The following PTPRD variants were observed in gnomAD, a reference collection of about 807,000 sequenced individuals.
The protein encoded by PTPRD is receptor-type tyrosine-protein phosphatase delta.
PTPRD carries 34 observed loss-of-function variants against 214.5 expected under a neutral mutation model. The observed-to-expected ratio is 0.16, with a 90% confidence interval of 0.12 to 0.21. The LOEUF (loss-of-function observed/expected upper bound fraction) is 0.21, where lower values mean the gene tolerates loss of function less well. Among genes scored for constraint, PTPRD ranks in the 10% least tolerant of loss-of-function variants. PTPRD has a pLI of 1.00. For synonymous variants in PTPRD, 1,128 were observed against 845.7 expected (o/e 1.33, Z -5.79); for missense variants, 2,545 against 2,398.7 (o/e 1.06, Z -1.27).
intron 2 of PTPRD, among the ~76,000 whole-genome samples, chr9:10,575,684 A>G (rs375869320): frequency 4.2e-4 from 64 of 152,204 alleles, no homozygotes; most frequent in African/African-American, 1.5e-3. Flanking sequence ...TTATTAAGTG[A>G]ACTCTCTAGG....
intron 3 of PTPRD, among the ~76,000 whole-genome samples, chr9:10,036,503 C>T (rs903442732): frequency 2.2e-5 from 2 of 90,788 alleles, no homozygotes; most frequent in Non-Finnish European, 3.9e-5. Flanking sequence ...TACACACACT[C>T]ATGCACACAC....
intron 2 of PTPRD, among the ~76,000 whole-genome samples, chr9:10,520,474 G>T (rs543135988): frequency 6.6e-6 from 1 of 152,348 alleles, no homozygotes; most frequent in South Asian, 2.1e-4. Flanking sequence ...AGGTGAAGCA[G>T]CAAGTGCTGA....
intron 10 of PTPRD, among the ~76,000 whole-genome samples, chr9:9,176,303 A>AT (rs1318103769): frequency 6.6e-6 from 1 of 152,208 alleles, no homozygotes; most frequent in Non-Finnish European, 1.5e-5. Flanking sequence ...TTTCATGAAC[A>AT]TAATCATTGA....
chr9:9,373,744 T>C (rs1002570447), intron 9 of PTPRD, among the ~76,000 whole-genome samples: 1 of 152,112 alleles, frequency 6.6e-6, no homozygotes, highest in African/African-American at 2.4e-5. Context: ...AAATCTTTAA[T>C]TGCTTTTGCA....
chr9:9,889,387 A>T (rs1566033515), intron 5 of PTPRD, among the ~76,000 whole-genome samples: 2 of 151,730 alleles, frequency 1.3e-5, no homozygotes, highest in African/African-American at 2.4e-5. Context: ...ATACAATTTT[A>T]TTTTTCAATT....
chr9:10,575,009 T>A (rs1411927652), intron 2 of PTPRD, among the ~76,000 whole-genome samples: 1 of 151,562 alleles, frequency 6.6e-6, no homozygotes, highest in Admixed American at 6.6e-5. Flanking sequence ...AAAAAAATCA[T>A]CAGGAAAGAT....
intron 2 of PTPRD, among the ~76,000 whole-genome samples, chr9:10,450,886 T>C (rs1306835555): frequency 1.3e-5 from 2 of 151,948 alleles, no homozygotes; most frequent in Admixed American, 1.3e-4. Flanking sequence ...AGGTTATTCA[T>C]ATAGAATTTC....
chr9:10,042,068 C>T (rs1301148423), intron 3 of PTPRD, among the ~76,000 whole-genome samples: 1 of 152,042 alleles, frequency 6.6e-6, no homozygotes, highest in Non-Finnish European at 1.5e-5. Context: ...TAGGGCACTG[C>T]CCCTGTGGGA....
At chr9:8,585,158 A>C (rs113734419) in intron 14 of PTPRD, among the ~76,000 whole-genome samples, 5 of 152,214 alleles carry the variant, frequency 3.3e-5, no homozygotes, top group African/African-American at 1.2e-4. Context: ...GAAATTTTCA[A>C]CGTAGATCTT....
intron 3 of PTPRD, among the ~76,000 whole-genome samples, chr9:10,034,669 T>A (rs1027909477): frequency 1.3e-5 from 2 of 152,174 alleles, no homozygotes; most frequent in Non-Finnish European, 2.9e-5. Context: ...AGTGAGAACA[T>A]GCAGTATTTG....
In PTPRD at chr9:9,762,670, A is replaced by T. The variant is rs143883247; in HGVS notation, c.-326+4140T>A. 4.5e-3 allele frequency among the ~76,000 whole-genome samples: 692 copies of T among 152,320 alleles called. 3 individuals carry two copies. Among genetic ancestry groups the T allele is most frequent in the African/African-American group, 0.016 (653 of 41,560 alleles). ...TGATTCTCTTCCAGTTTACACTGAC[A>T]TGATCCTCATTTCTACATAAGACTT... On this transcript the variant is annotated intron_variant, in intron 6 of 45. Transcript: ENST00000381196.
chr9:9,462,346 T>C (rs540174367), intron 8 of PTPRD, among the ~76,000 whole-genome samples: 66 of 152,296 alleles, frequency 4.3e-4, no homozygotes, highest in South Asian at 1.4e-3. Flanking sequence ...TGTGAAATAA[T>C]AGTTCTCATT....
chr9:8,382,531 G>C (rs895261792), intron 37 of PTPRD, among the ~76,000 whole-genome samples: 1 of 152,144 alleles, frequency 6.6e-6, no homozygotes, highest in African/African-American at 2.4e-5. Flanking sequence ...AGAGCAGGTG[G>C]GGTGGGGAAA....
chr9:8,451,820 G>A (rs1590877879), intron 33 of PTPRD: 1 of 461,376 alleles, frequency 2.2e-6, no homozygotes, highest in East Asian at 6.2e-5. Context: ...TTCCCATTGT[G>A]GCTCTGCCAT....
chr9:9,923,494 T>C (rs1012159840), intron 5 of PTPRD, among the ~76,000 whole-genome samples: 1 of 147,046 alleles, frequency 6.8e-6, no homozygotes, highest in African/African-American at 2.5e-5. Context: ...CACAAAAAAA[T>C]CGATCTCCAA....
chr9:10,459,924 T>C (rs1448264633), intron 2 of PTPRD, among the ~76,000 whole-genome samples: 2 of 151,964 alleles, frequency 1.3e-5, no homozygotes, highest in Admixed American at 6.6e-5. Flanking sequence ...AACTGCACTT[T>C]TTCCAATTTT....
At chr9:8,475,432 G>A (rs1164061443) in intron 30 of PTPRD, among the ~76,000 whole-genome samples, 2 of 151,864 alleles carry the variant, frequency 1.3e-5, no homozygotes, top group South Asian at 2.1e-4. Context: ...ACTCCTCAAG[G>A]CTCTGGCCAA....
At chr9:8,414,887 G>A (rs1237003657) in intron 35 of PTPRD, among the ~76,000 whole-genome samples, 2 of 135,626 alleles carry the variant, frequency 1.5e-5, no homozygotes, top group African/African-American at 5.5e-5. Flanking sequence ...GGGAGGGAGG[G>A]AGGGAGAGAG....
intron 13 of PTPRD, among the ~76,000 whole-genome samples, chr9:8,635,321 T>C (rs574892349): frequency 1.8e-4 from 27 of 151,696 alleles, no homozygotes; most frequent in African/African-American, 6.3e-4. Flanking sequence ...AAACTTCTCT[T>C]TGACAAAAAA....
Sources: gnomAD v4.1 joint callset for allele counts (sites outside exome capture counted in the v4.1 genomes callset) on GRCh38, gnomAD v4.1.1 for gene constraint, MANE v1.5 for transcripts, NCBI Gene and HGNC (gene_info 2026-07-23, HGNC 2026-07-21) for gene names.